GPD2: variants seen among roughly 807,000 people sequenced by gnomAD.
The protein encoded by GPD2 is glycerol-3-phosphate dehydrogenase, mitochondrial.
GPD2 carries 54 observed loss-of-function variants against 82.4 expected under a neutral mutation model. The observed-to-expected ratio is 0.66, with a 90% CI of 0.53 to 0.82. The LOEUF is 0.82. Ranked by LOEUF, GPD2 falls within the 40% of genes least tolerant of loss-of-function variation. GPD2 has a pLI of 0.00. For synonymous variants in GPD2, 288 were observed against 306.1 expected (o/e 0.94, Z 0.62); for missense variants, 748 against 896.2 (o/e 0.83, Z 2.11).
intron 2 of GPD2, among the ~76,000 whole-genome samples, chr2:156,493,622 T>C (rs1018840684): frequency 2.6e-5 from 4 of 152,170 alleles, no homozygotes; most frequent in African/African-American, 9.7e-5. Flanking sequence ...TAGAGTAGAA[T>C]AGAGGACTTT....
At chr2:156,571,909 C>A (rs1687655004) in intron 13 of GPD2, among the ~76,000 whole-genome samples, 1 of 152,120 alleles carries the variant, frequency 6.6e-6, no homozygotes, top group Non-Finnish European at 1.5e-5. Context: ...TTTCTGTATT[C>A]ATTGGGTTCT....
intron 8 of GPD2, among the ~76,000 whole-genome samples, chr2:156,552,445 T>C (rs1686794486): frequency 6.6e-6 from 1 of 152,254 alleles, no homozygotes; most frequent in Non-Finnish European, 1.5e-5. Flanking sequence ...TTGTGTTCGA[T>C]TAAAAATATC....
chr2:156,422,225 G>C, the GPD2 span, among the ~76,000 whole-genome samples: 1 of 152,114 alleles, frequency 6.6e-6, no homozygotes, highest in Admixed American at 6.5e-5. Flanking sequence ...TGTGATGATT[G>C]GGTTTTTATG....
intron 3 of GPD2, among the ~76,000 whole-genome samples, chr2:156,504,399 A>G (rs1362618687): frequency 1.3e-5 from 2 of 152,086 alleles, no homozygotes; most frequent in Non-Finnish European, 2.9e-5. Context: ...CCTTTAAAAA[A>G]AAAAACTATA....
At chr2:156,493,259 A>G (rs1573926812) in intron 2 of GPD2, among the ~76,000 whole-genome samples, 1 of 152,056 alleles carries the variant, frequency 6.6e-6, no homozygotes, top group Non-Finnish European at 1.5e-5. Context: ...CATTTATTGG[A>G]TTTGGTGGCA....
At chr2:156,479,154 G>C (rs1683631462) in intron 2 of GPD2, among the ~76,000 whole-genome samples, 1 of 152,228 alleles carries the variant, frequency 6.6e-6, no homozygotes, top group African/African-American at 2.4e-5. Context: ...GTCAGCTCCT[G>C]AAAACCTTTG....
At chr2:156,549,982 A>G (rs1333068690) in intron 7 of GPD2, among the ~76,000 whole-genome samples, 1 of 152,196 alleles carries the variant, frequency 6.6e-6, no homozygotes, top group Non-Finnish European at 1.5e-5. Context: ...TTATAGTTGT[A>G]ATAATGATAA....
intron 6 of GPD2, among the ~76,000 whole-genome samples, chr2:156,528,693 G>GT (rs1442583480): frequency 2.0e-5 from 3 of 149,946 alleles, no homozygotes; most frequent in East Asian, 4.0e-4. Flanking sequence ...GTGGTGTTCG[G>GT]TTTTTTGTTC....
intron 2 of GPD2, among the ~76,000 whole-genome samples, chr2:156,483,744 AAC>A (rs1683823443): frequency 1.3e-5 from 2 of 152,134 alleles, no homozygotes; most frequent in Non-Finnish European, 2.9e-5. Flanking sequence ...AAAATAAAGA[AAC>A]AATTTAAATT....
chr2:156,540,409 A>G (rs561631160), intron 6 of GPD2, among the ~76,000 whole-genome samples: 1 of 152,286 alleles, frequency 6.6e-6, no homozygotes, highest in Non-Finnish European at 1.5e-5. Context: ...TTCCTCTCCT[A>G]TGGGATGGTA....
At chr2:156,567,553 A>G (rs1405695751) in intron 9 of GPD2, among the ~76,000 whole-genome samples, 1 of 152,074 alleles carries the variant, frequency 6.6e-6, no homozygotes, top group Non-Finnish European at 1.5e-5. Flanking sequence ...GCAAAATTAT[A>G]CTCATGTTTC....
intron 3 of GPD2, among the ~76,000 whole-genome samples, chr2:156,497,667 T>C (rs998105551): frequency 2.0e-5 from 3 of 152,010 alleles, no homozygotes; most frequent in Admixed American, 1.3e-4. Flanking sequence ...CACACAAAAG[T>C]ACCCTAGATG....
intron 9 of GPD2, among the ~76,000 whole-genome samples, chr2:156,562,760 TC>T (rs752155353): frequency 6.6e-6 from 1 of 152,220 alleles, no homozygotes; most frequent in Non-Finnish European, 1.5e-5. Flanking sequence ...CTTAATTTTT[TC>T]AATTAGCCGT....
the GPD2 span, among the ~76,000 whole-genome samples, chr2:156,416,727 A>C: frequency 6.6e-6 from 1 of 152,046 alleles, no homozygotes; most frequent in Non-Finnish European, 1.5e-5. Flanking sequence ...CAGTGAACAA[A>C]ACAGACAGAT....
chr2:156,540,748 C>T (rs1686276171), intron 6 of GPD2, among the ~76,000 whole-genome samples: 1 of 152,226 alleles, frequency 6.6e-6, no homozygotes. Flanking sequence ...AACCATTCCC[C>T]ATCTTCCTAT....
intron 6 of GPD2, among the ~76,000 whole-genome samples, chr2:156,544,784 C>G (rs1398044657): frequency 1.3e-5 from 2 of 152,176 alleles, no homozygotes; most frequent in Non-Finnish European, 2.9e-5. Flanking sequence ...CACAGTGTAT[C>G]ACCCACATTC....
intron 3 of GPD2, 69 bp downstream of exon 3, chr2:156,496,284 A>C (rs1684375738): frequency 9.2e-7 from 1 of 1,082,128 alleles, no homozygotes; most frequent in African/African-American, 1.6e-5. Flanking sequence ...CAGGTTTGTT[A>C]CATAGGTAAG....
chr2:156,549,547 T>G, intron 6 of GPD2, 61 bp from the exon 7 acceptor site: 1 of 1,416,126 alleles, frequency 7.1e-7, no homozygotes. Context: ...CACACTTTTG[T>G]ACCACCAGTC....
Position 156,459,686 on chromosome 2 carries a change from CAAAAAA to C in GPD2, c.-8-16394_-8-16389del, listed in dbSNP as rs564494059. ...CTGGCGACAGAGCAAGACTCCGTCTCAAAAAAAAAAAAAAAAAAAAAAAGAAAGAAA... is the reference window on the plus strand; with the variant it reads ...CTGGCGACAGAGCAAGACTCCGTCTCAAAAAAAAAAAAAAAAAGAAAGAAA... On this transcript the variant is annotated intron_variant, in intron 1 of 16. Transcript: ENST00000438166. Among the ~76,000 whole-genome samples, 40 of 38,780 alleles carry C rather than the reference CAAAAAA, an allele frequency of 1.0e-3. No homozygotes were observed. In the Middle Eastern group the frequency reaches 0.054, roughly 52 times the overall value. The allele number at this position is 38,780 out of a possible 152,430, so 25.4% of individuals were successfully genotyped here. A position where few individuals can be genotyped will look rare whatever the true frequency, so the allele number is the denominator to read the frequency against.
Sources: gnomAD v4.1 joint callset for allele counts (sites outside exome capture counted in the v4.1 genomes callset) on GRCh38, gnomAD v4.1.1 for gene constraint, MANE v1.5 for transcripts, NCBI Gene and HGNC (gene_info 2026-07-23, HGNC 2026-07-21) for gene names.